The following CBFB variants were observed in gnomAD, a reference collection of about 807,000 sequenced individuals.
CBFB encodes CBF-beta.
CBFB carries 9 observed loss-of-function variants against 30.4 expected under a neutral mutation model. The observed-to-expected ratio is 0.30, with a 90% CI of 0.18 to 0.52. CBFB has a LOEUF of 0.52. CBFB is among the 20% of genes least tolerant of loss of function. The probability of loss-of-function intolerance (pLI) is 0.97; values close to 1 mark genes in which losing one functional copy is unlikely to be tolerated. For synonymous variants in CBFB, 94 were observed against 84.0 expected (o/e 1.12, Z -0.65); for missense variants, 170 against 244.0 (o/e 0.70, Z 2.02).
At chr16:67,085,968 G>A (rs1961722965) in intron 5 of CBFB, among the ~76,000 whole-genome samples, 1 of 152,162 alleles carries the variant, frequency 6.6e-6, no homozygotes, top group South Asian at 2.1e-4. Context: ...TTGAGCCACT[G>A]TGCCCGGCTT....
chr16:67,089,609 AAC>A (rs1394321914), intron 5 of CBFB, among the ~76,000 whole-genome samples: 1 of 152,156 alleles, frequency 6.6e-6, no homozygotes, highest in Non-Finnish European at 1.5e-5. Flanking sequence ...CACTGTATAA[AAC>A]AGTTTTTTTA....
At chr16:67,093,583 G>C (rs967031776) in intron 5 of CBFB, 1 of 151,926 alleles carries the variant, frequency 6.6e-6, no homozygotes, top group Admixed American at 6.6e-5. Context: ...CTTGTTCCTG[G>C]GAGATGATAT....
chr16:67,083,590 G>A (rs1375372519), intron 5 of CBFB, among the ~76,000 whole-genome samples: 3 of 152,110 alleles, frequency 2.0e-5, no homozygotes, highest in East Asian at 1.9e-4. Flanking sequence ...GAGCCACTGC[G>A]TCTGGCCCAT....
chr16:67,092,163 T>A (rs554694100), intron 5 of CBFB, among the ~76,000 whole-genome samples: 2 of 152,122 alleles, frequency 1.3e-5, no homozygotes, highest in Non-Finnish European at 2.9e-5. Context: ...CTCCCACTTA[T>A]GAGTGTGAGC....
chr16:67,032,479 T>G (rs766110798), intron 2 of CBFB, among the ~76,000 whole-genome samples: 54 of 152,244 alleles, frequency 3.5e-4, no homozygotes, highest in Non-Finnish European at 5.0e-4. Flanking sequence ...TATTGGTATT[T>G]GGAGAGGAAT....
chr16:67,095,201 A>T (rs1053391685), intron 5 of CBFB, among the ~76,000 whole-genome samples: 1 of 110,494 alleles, frequency 9.1e-6, no homozygotes, highest in Non-Finnish European at 1.8e-5. Context: ...CAAGAGCAAA[A>T]GTGTGTCTCA....
At chr16:67,091,358 G>C (rs1961874562) in intron 5 of CBFB, among the ~76,000 whole-genome samples, 1 of 152,212 alleles carries the variant, frequency 6.6e-6, no homozygotes, top group African/African-American at 2.4e-5. Flanking sequence ...GTGATGAACA[G>C]CTTTGTTATA....
chr16:67,050,773 A>G (rs777049874), intron 3 of CBFB, among the ~76,000 whole-genome samples: 3 of 152,218 alleles, frequency 2.0e-5, no homozygotes, highest in Non-Finnish European at 4.4e-5. Flanking sequence ...AGCCTGGGCA[A>G]TAGAGCAAAA....
chr16:67,066,776 A>C lies in CBFB; in HGVS notation c.377A>C (p.Glu126Ala), dbSNP rs146925453. 117 of 1,605,420 alleles carry C rather than the reference A, an allele frequency of 7.3e-5. No homozygotes were observed. The highest frequency in any genetic ancestry group is 9.4e-5 in the Non-Finnish European group (110 of 1,174,300). ...LQRLDGMGCLEFDEERAQQED... is the reference protein window; with the variant it reads ...LQRLDGMGCLAFDEERAQQED... The stretch of plus-strand genomic sequence containing the variant: ...AGACTGGATGGTATGGGCTGTCTGG[A>C]GTTTGATGAGGAGCGAGCCCAGGTA... Residue 126 changes from glutamate (E) to alanine (A), a missense_variant, in exon 4 of 6, where the codon GAG (glutamate) becomes GCG (alanine). Transcript: ENST00000412916.
intron 4 of CBFB, among the ~76,000 whole-genome samples, chr16:67,071,751 A>T (rs1384493296): frequency 6.6e-6 from 1 of 152,212 alleles, no homozygotes. Flanking sequence ...GGCTGTGCCT[A>T]GCACAGTATC....
chr16:67,029,911 C>T (rs1966305066), intron 2 of CBFB, 98 bp downstream of exon 2: 1 of 720,714 alleles, frequency 1.4e-6, no homozygotes, highest in Non-Finnish European at 2.1e-6. Flanking sequence ...CTGCGGCTCC[C>T]GGAACTGAGT....
chr16:67,065,189 G>A (rs779991008), intron 3 of CBFB, among the ~76,000 whole-genome samples: 21 of 152,302 alleles, frequency 1.4e-4, no homozygotes, highest in South Asian at 4.1e-4. Context: ...ATCAGCCACC[G>A]CGCCTAGCCA....
Position 67,066,793 on chromosome 16 carries a change from GC to G in CBFB, c.397del (p.Gln133SerfsTer6). On this transcript the variant is annotated frameshift_variant, in exon 4 of 6. Transcript: ENST00000412916. LOFTEE classifies it high-confidence loss of function. ...CTGTCTGGAGTTTGATGAGGAGCGA[GC>G]CCAGGTAGGGTAACATCAGGCTTTA... is the stretch of plus-strand genomic sequence containing the variant. ...MGCLEFDEERAQQEDALAQQA... is the reference protein window; with the variant it reads ...MGCLEFDEERXQQEDALAQQA... 2 of 1,576,544 alleles carry G rather than the reference GC, an allele frequency of 1.3e-6. No individual in the cohort carries two copies. The highest frequency in any genetic ancestry group is 1.3e-5 in the African/African-American group (1 of 74,240).
At chr16:67,052,629 A>G (rs1266924461) in intron 3 of CBFB, among the ~76,000 whole-genome samples, 1 of 151,978 alleles carries the variant, frequency 6.6e-6, no homozygotes, top group East Asian at 1.9e-4. Flanking sequence ...TGTGGCTTGC[A>G]TTTGTGATTC....
At position 67,099,876 on chromosome 16, in the gene CBFB, G is replaced by T. The variant is rs1238362625; in HGVS notation, c.*1098G>T. 1 of 212,474 alleles carries T rather than the reference G, an allele frequency of 4.7e-6. No individual in the cohort carries two copies. The highest frequency in any genetic ancestry group is 9.5e-6 in the Non-Finnish European group (1 of 104,742). The allele number at this position is 212,474 out of a possible 1,614,324, so 13.2% of individuals were successfully genotyped here. On this transcript the variant is annotated 3_prime_UTR_variant, in exon 6 of 6. Coordinates refer to ENST00000412916, the MANE Select transcript of CBFB (RefSeq NM_022845.3). ...ATATTGCATGCTTTTGTAAAAACAT[G>T]CTGGGTGATGAAAGATTAGTTTTAG...
At chr16:67,091,605 A>G (rs932189528) in intron 5 of CBFB, among the ~76,000 whole-genome samples, 1 of 152,120 alleles carries the variant, frequency 6.6e-6, no homozygotes, top group Non-Finnish European at 1.5e-5. Flanking sequence ...TTATATTTGA[A>G]GTTTTCCTTA....
At chr16:67,068,181 A>C (rs1163706457) in intron 4 of CBFB, among the ~76,000 whole-genome samples, 1 of 152,210 alleles carries the variant, frequency 6.6e-6, no homozygotes, top group African/African-American at 2.4e-5. Context: ...CCCAGAAAGC[A>C]AGACTTAAAA....
chr16:67,066,864 A>T, intron 4 of CBFB, 66 bp downstream of exon 4: 1 of 832,138 alleles, frequency 1.2e-6, no homozygotes. Flanking sequence ...TTGCCTGGGG[A>T]CCTATTTTAC....
chr16:67,069,671 C>T (rs1961163769), intron 4 of CBFB, among the ~76,000 whole-genome samples: 1 of 152,168 alleles, frequency 6.6e-6, no homozygotes, highest in African/African-American at 2.4e-5. Context: ...AAATCCATAC[C>T]TAGTCACATT....
Sources: allele counts gnomAD v4.1 joint callset (sites outside exome capture counted in the v4.1 genomes callset), GRCh38; gene constraint gnomAD v4.1.1; transcripts MANE v1.5; gene names NCBI Gene and HGNC (gene_info 2026-07-23, HGNC 2026-07-21).